Variants in OTUD3 observed in about 807,000 individuals in gnomAD.
OTUD3 encodes the protein OTU domain-containing protein 3.
A neutral mutation model predicts 46.2 loss-of-function variants in OTUD3; 24 were observed. That is an observed-to-expected ratio of 0.52 (90% CI 0.38 to 0.73). The LOEUF is 0.73. Among genes scored for constraint, OTUD3 ranks in the 30% least tolerant of loss-of-function variants. The pLI is 0.00. For synonymous variants in OTUD3, 189 were observed against 195.4 expected (o/e 0.97, Z 0.27); for missense variants, 455 against 523.3 (o/e 0.87, Z 1.27).
In OTUD3 at chr1:19,882,490, C is replaced by A. The variant is rs769031915; in HGVS notation, c.-24C>A. 7.4e-7 allele frequency: 1 copy of A among 1,348,560 alleles called. No individual in the cohort carries two copies. The allele number at this position is 1,348,560 out of a possible 1,614,324, so 83.5% of individuals were successfully genotyped here. On this transcript the variant is annotated 5_prime_UTR_variant, in exon 1 of 8. Transcript: ENST00000375120. Reference sequence around the variant, plus strand: ...GGGGTCCTGCGCCTTTCCCTCCTGCCGCTGGGGACTGCAGGCTAAGGCCAT... The same window carrying A: ...GGGGTCCTGCGCCTTTCCCTCCTGCAGCTGGGGACTGCAGGCTAAGGCCAT...
Position 19,911,692 on chromosome 1 carries a change from A to G in OTUD3, c.*3946A>G, listed in dbSNP as rs967475717. 3 of 152,112 alleles carry G rather than the reference A, an allele frequency of 2.0e-5. No homozygotes were observed. Among genetic ancestry groups the G allele is most frequent in the Non-Finnish European group, 4.4e-5 (3 of 67,986 alleles). 9.4% of individuals were successfully genotyped at this position (152,112 alleles called of 1,614,324 possible). A position where few individuals can be genotyped will look rare whatever the true frequency, so the allele number is the denominator to read the frequency against. On this transcript the variant is annotated 3_prime_UTR_variant, in exon 8 of 8. Coordinates refer to ENST00000375120, the MANE Select transcript of OTUD3 (RefSeq NM_015207.2). The stretch of plus-strand genomic sequence containing the variant: ...TGTGAGCAACCCTGCCCGGCCAGTA[A>G]ATTGTATTTTTTTAATGACATCATT...
chr1:19,897,768 C>A, intron 4 of OTUD3, 106 bp downstream of exon 4: 1 of 1,180,514 alleles, frequency 8.5e-7, no homozygotes, highest in Non-Finnish European at 1.2e-6. Context: ...AGAAAGTTGG[C>A]ATTGAGAATC....
At position 19,904,318 on chromosome 1, in the gene OTUD3, A is replaced by G. The variant is rs1237607770; in HGVS notation, c.658A>G (p.Lys220Glu). 3.7e-6 allele frequency: 6 copies of G among 1,611,972 alleles called. No homozygotes were observed. The highest frequency in any genetic ancestry group is 4.2e-6 in the Non-Finnish European group (5 of 1,178,650). ...AAATAAAAGAGAAAAGATCAAGACAAAGGGAATGGACTCTGAAGACGACCT... is the reference window on the plus strand; with the variant it reads ...AAATAAAAGAGAAAAGATCAAGACAGAGGGAATGGACTCTGAAGACGACCT... ...ESNKREKIKT[K>E]GMDSEDDLRD... Residue 220 changes from lysine to glutamate, a missense_variant, in exon 5 of 8, where the codon AAG becomes GAG. By Grantham distance (56) the Lys-to-Glu change is moderately conservative. Transcript: ENST00000375120.
intron 2 of OTUD3, among the ~76,000 whole-genome samples, chr1:19,891,551 G>C (rs1454192498): frequency 1.3e-5 from 2 of 152,098 alleles, no homozygotes. Context: ...TAATGAGTAA[G>C]GCCCAAACCA....
At chr1:19,906,825 C>T (rs752197363) in intron 7 of OTUD3, 27 of 457,446 alleles carry the variant, frequency 5.9e-5, no homozygotes, top group Non-Finnish European at 1.0e-4. Context: ...AGGAAATACA[C>T]CCTGAAATTG....
At chr1:19,905,838 ATAC>A (rs1392976924) in intron 6 of OTUD3, among the ~76,000 whole-genome samples, 3 of 152,200 alleles carry the variant, frequency 2.0e-5, no homozygotes, top group Non-Finnish European at 4.4e-5. Flanking sequence ...TACGTGTCAG[ATAC>A]TGTTTCTGGC....
intron 4 of OTUD3, among the ~76,000 whole-genome samples, chr1:19,901,213 T>C (rs1486908651): frequency 2.6e-5 from 4 of 152,162 alleles, no homozygotes; most frequent in African/African-American, 7.2e-5. Context: ...CCCGGCCCTA[T>C]TGAGTTTTTT....
At chr1:19,901,190 G>A (rs1325614886) in intron 4 of OTUD3, among the ~76,000 whole-genome samples, 2 of 152,118 alleles carry the variant, frequency 1.3e-5, no homozygotes, top group East Asian at 1.9e-4. Context: ...GGTTACAGGC[G>A]TGAGCCACCG....
Position 19,882,421 on chromosome 1 carries a change from TG to T in OTUD3, c.-92del, listed in dbSNP as rs1352998700. On this transcript the variant is annotated 5_prime_UTR_variant, in exon 1 of 8. Coordinates refer to ENST00000375120, the MANE Select transcript of OTUD3 (RefSeq NM_015207.2). ...CTGCGTAGTCGTCGCCGGGCTCCGT[TG>T]CCCGCGCTGTTTTACCTTCCCAACG... 4 of 1,300,092 alleles carry T rather than the reference TG, an allele frequency of 3.1e-6. No individual in the cohort carries two copies. Among genetic ancestry groups the T allele is most frequent in the Non-Finnish European group, 3.9e-6 (4 of 1,028,330 alleles). 80.5% of individuals were successfully genotyped at this position (1,300,092 alleles called of 1,614,324 possible).
At chr1:19,904,866 T>TTTTG (rs572987519) in intron 5 of OTUD3, 25 bp from the exon 6 acceptor site, 2 of 1,218,794 alleles carry the variant, frequency 1.6e-6, no homozygotes, top group Non-Finnish European at 2.4e-6. Context: ...GAAGTGGTTT[T>TTTTG]TTTGTTTGTT....
chr1:19,904,317 A>C lies in OTUD3; in HGVS notation c.657A>C (p.Thr219=). ...DESNKREKIK[T]KGMDSEDDLR... is the part of the protein sequence containing the mutation. Reference sequence around the variant, plus strand: ...CAAATAAAAGAGAAAAGATCAAGACAAAGGGAATGGACTCTGAAGACGACC... The same window carrying C: ...CAAATAAAAGAGAAAAGATCAAGACCAAGGGAATGGACTCTGAAGACGACC... Residue 219 remains threonine (T), a synonymous_variant, in exon 5 of 8, where the codon ACA becomes ACC. Transcript: ENST00000375120. The C allele has an allele frequency of 6.2e-7, 1 of 1,611,966 alleles. No individual in the cohort carries two copies.
At chr1:19,882,844 G>A (rs959452374) in intron 1 of OTUD3, 110 bp downstream of exon 1, 15 of 1,027,056 alleles carry the variant, frequency 1.5e-5, no homozygotes, top group Middle Eastern at 7.0e-4. Flanking sequence ...CGGCCCGGGC[G>A]CCTCCCGCGA....
intron 1 of OTUD3, among the ~76,000 whole-genome samples, chr1:19,889,420 A>G (rs1275342498): frequency 6.6e-6 from 1 of 152,226 alleles, no homozygotes; most frequent in African/African-American, 2.4e-5. Context: ...TAGACATGAA[A>G]TCTTTCTGAA....
intron 3 of OTUD3, among the ~76,000 whole-genome samples, chr1:19,894,982 A>G (rs1363703221): frequency 6.6e-6 from 1 of 152,258 alleles, no homozygotes; most frequent in South Asian, 2.1e-4. Context: ...TAAAAATTAT[A>G]TTTAAAATTT....
At chr1:19,890,567 A>C (rs772512995) in intron 2 of OTUD3, 34 bp downstream of exon 2, 6 of 1,600,288 alleles carry the variant, frequency 3.7e-6, no homozygotes, top group African/African-American at 2.7e-5. Flanking sequence ...GTCCTTCAGG[A>C]GTAATGCATT....
chr1:19,909,446 T>A lies in OTUD3; in HGVS notation c.*1700T>A, dbSNP rs1261781361. The A allele has an allele frequency of 1.3e-5, 2 of 152,336 alleles. No homozygotes were observed. The highest frequency in any genetic ancestry group is 1.5e-5 in the Non-Finnish European group (1 of 68,026). The allele number at this position is 152,336 out of a possible 1,614,324, so 9.4% of individuals were successfully genotyped here. On this transcript the variant is annotated 3_prime_UTR_variant, in exon 8 of 8. Coordinates refer to ENST00000375120, the MANE Select transcript of OTUD3 (RefSeq NM_015207.2). ...TGTGCACGTCGCAGAGTCCTGAGCTTGAGGCTGTGTTACTCTACTCATTCC... is the reference window on the plus strand; with the variant it reads ...TGTGCACGTCGCAGAGTCCTGAGCTAGAGGCTGTGTTACTCTACTCATTCC...
intron 1 of OTUD3, among the ~76,000 whole-genome samples, chr1:19,886,583 T>G (rs910261825): frequency 2.0e-5 from 3 of 152,164 alleles, no homozygotes; most frequent in Non-Finnish European, 4.4e-5. Context: ...CATCAGAATC[T>G]TAGAGTGGGG....
At chr1:19,902,222 C>T (rs867309846) in intron 4 of OTUD3, among the ~76,000 whole-genome samples, 2 of 151,788 alleles carry the variant, frequency 1.3e-5, no homozygotes, top group Non-Finnish European at 2.9e-5. Flanking sequence ...AGTTTTTTTT[C>T]GAGACGGAGT....
intron 3 of OTUD3, among the ~76,000 whole-genome samples, chr1:19,897,222 T>C (rs2045528807): frequency 6.6e-6 from 1 of 152,206 alleles, no homozygotes; most frequent in Non-Finnish European, 1.5e-5. Flanking sequence ...GGAAGGGGCT[T>C]GTGCATTAGA....
Sources: allele counts gnomAD v4.1 joint callset (sites outside exome capture counted in the v4.1 genomes callset), GRCh38; gene constraint gnomAD v4.1.1; transcripts MANE v1.5; gene names NCBI Gene and HGNC (gene_info 2026-07-23, HGNC 2026-07-21).